The following EHMT1 variants were observed in gnomAD, a reference collection of about 807,000 sequenced individuals.
EHMT1 encodes the protein euchromatic histone lysine methyltransferase 1.
A neutral mutation model predicts 147.2 loss-of-function variants in EHMT1; 15 were observed. The ratio of observed to expected loss-of-function variants is 0.10; its 90% CI spans 0.07 to 0.16. The LOEUF (loss-of-function observed/expected upper bound fraction) is 0.16, where lower values mean the gene tolerates loss of function less well. EHMT1 is among the 10% of genes least tolerant of loss of function. The pLI is 1.00. For synonymous variants in EHMT1, 795 were observed against 709.6 expected, an observed-to-expected ratio of 1.12 and a Z score of -1.91; for missense variants, 1,587 against 1,772.4, an observed-to-expected ratio of 0.90 and a Z score of 1.88.
At chr9:137,747,879 T>C (rs6559221) in intron 6 of EHMT1, 107,018 of 151,718 alleles carry the variant, frequency 0.71, 38,252 homozygotes, top group East Asian at 0.88. Context: ...AAGTGCTAAC[T>C]CTGTAGGATG....
chr9:137,671,186 G>A (rs543291318), intron 1 of EHMT1, among the ~76,000 whole-genome samples: 1 of 152,278 alleles, frequency 6.6e-6, no homozygotes, highest in Admixed American at 6.5e-5. Flanking sequence ...GCTAATAAGT[G>A]AGCGGAAATT....
rs1226069239 is a variant in EHMT1, at chr9:137,835,811, G to T, written c.*858G>T. 2 of 152,556 alleles carry T rather than the reference G, an allele frequency of 1.3e-5. No individual in the cohort carries two copies. Among genetic ancestry groups the T allele is most frequent in the African/African-American group, 4.8e-5 (2 of 41,444 alleles). 9.5% of individuals were successfully genotyped at this position (152,556 alleles called of 1,614,324 possible). ...CTATCAACTGTATAAAGAGAACAAA[G>T]TGATTTTAGAATAAAATGCAGGAAA... On this transcript the variant is annotated 3_prime_UTR_variant, in exon 27 of 27. Transcript: ENST00000460843.
intron 16 of EHMT1, among the ~76,000 whole-genome samples, chr9:137,798,611 C>T (rs1953163072): frequency 6.6e-6 from 1 of 152,184 alleles, no homozygotes; most frequent in South Asian, 2.1e-4. Context: ...GGCGACTGAC[C>T]ACTCATGGGG....
intron 1 of EHMT1, among the ~76,000 whole-genome samples, chr9:137,694,339 G>A (rs1452076712): frequency 3.4e-5 from 5 of 145,114 alleles, no homozygotes; most frequent in African/African-American, 1.0e-4. Flanking sequence ...GGCGCAGGAC[G>A]CTGGCCGATA....
Position 137,723,050 on chromosome 9 carries a change from G to T in EHMT1, c.643-5299G>T, listed in dbSNP as rs549199536. Among the ~76,000 whole-genome samples the T allele has an allele frequency of 1.9e-3, 243 of 126,074 alleles. 4 individuals are homozygous for T. The highest frequency in any genetic ancestry group is 8.2e-3 in the African/African-American group (229 of 28,004). 82.7% of individuals were successfully genotyped at this position (126,074 alleles called of 152,430 possible). ...AGCCCGGGGTGTGTCTGTGTCTGTG[G>T]TTCTGGGCCTGAGCCGGGGGTGTGT... On this transcript the variant is annotated intron_variant, in intron 3 of 26. Coordinates refer to ENST00000460843, the MANE Select transcript of EHMT1 (RefSeq NM_024757.5).
intron 4 of EHMT1, among the ~76,000 whole-genome samples, chr9:137,729,739 C>T (rs981548854): frequency 2.6e-5 from 4 of 152,038 alleles, no homozygotes; most frequent in African/African-American, 7.2e-5. Flanking sequence ...TTTTCTGAGA[C>T]ATGAATGTAA....
At chr9:137,720,197 GAT>G (rs1945806025) in intron 3 of EHMT1, among the ~76,000 whole-genome samples, 1 of 151,404 alleles carries the variant, frequency 6.6e-6, no homozygotes. Context: ...GCACAGTCGA[GAT>G]ATGGAACCCC....
intron 1 of EHMT1, among the ~76,000 whole-genome samples, chr9:137,692,268 T>TTTC (rs1261168982): frequency 1.3e-5 from 1 of 77,472 alleles, no homozygotes; most frequent in Non-Finnish European, 2.4e-5. Flanking sequence ...TCTTTCTTTC[T>TTTC]TTTTTTTTTT....
chr9:137,833,754 C>T (rs893945380), intron 25 of EHMT1, among the ~76,000 whole-genome samples: 1 of 152,250 alleles, frequency 6.6e-6, no homozygotes, highest in Admixed American at 6.5e-5. Flanking sequence ...TCTCTTCGGC[C>T]TCGTGTTCCA....
At chr9:137,793,440 G>C (rs1236817107) in intron 16 of EHMT1, among the ~76,000 whole-genome samples, 1 of 152,264 alleles carries the variant, frequency 6.6e-6, no homozygotes, top group Non-Finnish European at 1.5e-5. Context: ...CGCGTTGCTA[G>C]TGGGGATGTA....
At chr9:137,751,291 T>C (rs1006046212) in intron 6 of EHMT1, among the ~76,000 whole-genome samples, 1 of 152,084 alleles carries the variant, frequency 6.6e-6, no homozygotes, top group Non-Finnish European at 1.5e-5. Flanking sequence ...TTCAAAAGTT[T>C]TATGTGATAA....
At chr9:137,638,124 T>TG (rs1458327064) in intron 1 of EHMT1, 1 of 152,040 alleles carries the variant, frequency 6.6e-6, no homozygotes. Context: ...CTTTTTTTTT[T>TG]TTTTAAGATG....
intron 10 of EHMT1, among the ~76,000 whole-genome samples, chr9:137,767,511 C>G (rs1445899382): frequency 6.6e-6 from 1 of 152,126 alleles, no homozygotes; most frequent in African/African-American, 2.4e-5. Flanking sequence ...AGTTGTGCAT[C>G]CCAAATTCAA....
chr9:137,699,145 C>G (rs1943632593), intron 1 of EHMT1, among the ~76,000 whole-genome samples: 1 of 152,130 alleles, frequency 6.6e-6, no homozygotes, highest in Admixed American at 6.6e-5. Flanking sequence ...GCCGTCTTCT[C>G]TGGAAAGGTG....
At chr9:137,671,520 C>CTTTTTTTT (rs71493689) in intron 1 of EHMT1, among the ~76,000 whole-genome samples, 1 of 105,326 alleles carries the variant, frequency 9.5e-6, no homozygotes, top group African/African-American at 3.3e-5. Flanking sequence ...CCTTTTCTTT[C>CTTTTTTTT]TTTTTTTTTT....
rs942719085 is a variant in EHMT1, at chr9:137,775,892, T to A, written c.1791+640T>A. On this transcript the variant is annotated intron_variant, in intron 11 of 26. Transcript: ENST00000460843. The surrounding 1 kb of genome is among the most constrained non-coding windows in gnomAD (Gnocchi z 6.1). The stretch of plus-strand genomic sequence containing the variant: ...TCCTCGTGCATGTAGGGTGTGTGTG[T>A]GTGTGTGTCTGTGCGCGCACACATC... Among the ~76,000 whole-genome samples, 1 of 151,564 alleles carries A rather than the reference T, an allele frequency of 6.6e-6. No homozygotes were observed. Among genetic ancestry groups the A allele is most frequent in the African/African-American group, 2.4e-5 (1 of 41,174 alleles).
At chr9:137,817,578 C>T in intron 24 of EHMT1, 53 bp downstream of exon 24, 1 of 1,607,072 alleles carries the variant, frequency 6.2e-7, no homozygotes, top group Non-Finnish European at 8.5e-7. Context: ...GGGACGGAGG[C>T]CCATCTGTGT....
At chr9:137,651,884 C>T (rs1937871836) in intron 1 of EHMT1, among the ~76,000 whole-genome samples, 1 of 152,176 alleles carries the variant, frequency 6.6e-6, no homozygotes, top group Admixed American at 6.5e-5. Flanking sequence ...ATGTGTCCTG[C>T]TCAGGTAAAC....
In EHMT1 at chr9:137,776,259, C is replaced by A. The variant is rs922630898; in HGVS notation, c.1792-359C>A. On this transcript the variant is annotated intron_variant, in intron 11 of 26. Transcript: ENST00000460843. This position sits in a 1 kb window ranked among gnomAD's most constrained non-coding sequence, Gnocchi z 4.4. ...GCAGCTCCACCTGCCTGATGCTGTGCCCTGAGGTGCTGTCGTCTGTCCCTG... is the reference window on the plus strand; with the variant it reads ...GCAGCTCCACCTGCCTGATGCTGTGACCTGAGGTGCTGTCGTCTGTCCCTG... Among the ~76,000 whole-genome samples, 2 of 152,198 alleles carry A rather than the reference C, an allele frequency of 1.3e-5. No homozygotes were observed. The highest frequency in any genetic ancestry group is 4.8e-5 in the African/African-American group (2 of 41,450).
Sources: gnomAD v4.1 joint callset for allele counts (sites outside exome capture counted in the v4.1 genomes callset) on GRCh38, gnomAD v4.1.1 for gene constraint, Gnocchi (gnomAD v3.1) non-coding constraint, MANE v1.5 for transcripts, NCBI Gene and HGNC (gene_info 2026-07-23, HGNC 2026-07-21) for gene names.